Variants in ITGAX observed in about 807,000 individuals in gnomAD.
ITGAX encodes integrin alpha-X.
In ITGAX, 99 loss-of-function variants were observed where a neutral mutation model predicts 140.2. That is an observed-to-expected ratio of 0.71 (90% confidence interval 0.60 to 0.83). ITGAX has a LOEUF of 0.83. Among genes scored for constraint, ITGAX ranks in the 40% least tolerant of loss-of-function variants. ITGAX has a pLI of 0.00. For missense variants in ITGAX, 1,444 were observed against 1,482.0 expected (o/e 0.97, Z 0.42); for synonymous variants, 631 against 600.4 (o/e 1.05, Z -0.75).
At chr16:31,376,433 C>A in intron 20 of ITGAX, among the ~76,000 whole-genome samples, 1 of 151,950 alleles carries the variant, frequency 6.6e-6, no homozygotes, top group East Asian at 1.9e-4. Context: ...CCAGCCTGGG[C>A]AATATAGCGA....
rs1444262185 is a variant in ITGAX at position 31,382,220 on chromosome 16, TTTCC to T, written c.*316_*319del. On this transcript the variant is annotated 3_prime_UTR_variant, in exon 30 of 30. Coordinates refer to ENST00000268296, the MANE Select transcript of ITGAX (RefSeq NM_000887.5). Reference sequence around the variant, plus strand: ...TCCCATGAGGCACGAATGATCTTTCTTTCCTTTCTTTTTTTTTTTTTTTCTTTTC... The same window carrying T: ...TCCCATGAGGCACGAATGATCTTTCTTTTCTTTTTTTTTTTTTTTCTTTTC... 66 of 1,331,996 alleles carry T rather than the reference TTTCC, an allele frequency of 5.0e-5. No homozygotes were observed. The highest frequency in any genetic ancestry group is 1.7e-4 in the East Asian group (6 of 35,052). 82.5% of individuals were successfully genotyped at this position (1,331,996 alleles called of 1,614,324 possible).
chr16:31,369,969 T>C (rs2080938483), intron 14 of ITGAX: 1 of 152,038 alleles, frequency 6.6e-6, no homozygotes, highest in Non-Finnish European at 1.5e-5. Context: ...ATTACCTTTT[T>C]TTTTGAGACA....
At chr16:31,356,230 G>A (rs2080758589) in intron 2 of ITGAX, 1 of 498,518 alleles carries the variant, frequency 2.0e-6, no homozygotes, top group East Asian at 3.2e-5. Context: ...TAGTCCACAC[G>A]ACAGCCTGTG....
chr16:31,367,193 T>G (rs1193963282), intron 14 of ITGAX, among the ~76,000 whole-genome samples: 1 of 152,148 alleles, frequency 6.6e-6, no homozygotes, highest in Non-Finnish European at 1.5e-5. Context: ...GCAGGGTTCA[T>G]GAGGTTTAAG....
Position 31,379,979 on chromosome 16 carries a change from C to T in ITGAX, c.2977-3C>T. The T allele has an allele frequency of 1.2e-6, 2 of 1,614,012 alleles. No homozygotes were observed. Among genetic ancestry groups the T allele is most frequent in the Non-Finnish European group, 1.7e-6 (2 of 1,179,842 alleles). ...GACACTTGTTCTCTGCATTTTCCCC[C>T]AGAACCCATCCCTTCGGTGCTCCTC... On this transcript the variant is annotated splice_polypyrimidine_tract_variant and splice_region_variant and intron_variant, in intron 25 of 29. Coordinates refer to ENST00000268296, the MANE Select transcript of ITGAX (RefSeq NM_000887.5).
chr16:31,372,882 G>A (rs1369603413), intron 19 of ITGAX, among the ~76,000 whole-genome samples: 1 of 151,654 alleles, frequency 6.6e-6, no homozygotes, highest in African/African-American at 2.4e-5. Context: ...ATCAGCCTGG[G>A]CAACAGAGCG....
At chr16:31,366,489 A>G (rs1366999151) in intron 14 of ITGAX, among the ~76,000 whole-genome samples, 3 of 152,166 alleles carry the variant, frequency 2.0e-5, no homozygotes, top group Admixed American at 1.3e-4. Flanking sequence ...TAAGTGTTCA[A>G]CTGAAAGGAA....
At chr16:31,362,821 G>A in intron 12 of ITGAX, 68 bp downstream of exon 12, 2 of 1,608,298 alleles carry the variant, frequency 1.2e-6, no homozygotes, top group South Asian at 1.1e-5. Flanking sequence ...AGGAGAGGAT[G>A]GAGGGGCTTT....
chr16:31,377,028 C>G lies in ITGAX; in HGVS notation c.2654C>G (p.Ser885Cys). Residue 885 changes from serine to cysteine, a missense_variant, in exon 22 of 30, where the codon TCC (serine) becomes TGC (cysteine). Physicochemically the swap from Ser to Cys is moderately radical, Grantham distance 112 (BLOSUM62 -1). Transcript: ENST00000268296. ...ACCTTCTTGGCTACCTTTGACGTCTCCCCCAAGGCTGTCCTGGGAGACCGG... is the reference window on the plus strand; with the variant it reads ...ACCTTCTTGGCTACCTTTGACGTCTGCCCCAAGGCTGTCCTGGGAGACCGG... ...QITFLATFDV[S>C]PKAVLGDRLL... 1 of 1,614,180 alleles carries G rather than the reference C, an allele frequency of 6.2e-7. No homozygotes were observed. Among genetic ancestry groups the G allele is most frequent in the Non-Finnish European group, 8.5e-7 (1 of 1,180,028 alleles).
rs185058807 is a variant in ITGAX, at chr16:31,371,474, G to C, written c.1982G>C (p.Arg661Pro). Residue 661 changes from arginine to proline, a missense_variant, in exon 16 of 30, where the codon CGT becomes CCT. Coordinates refer to ENST00000268296, the MANE Select transcript of ITGAX (RefSeq NM_000887.5). ...AACATCTGCCTTTACATTGACAAAC[G>C]TTCTAAGAACCTGCTTGGGAGCCGT... ...QSNICLYIDK[R>P]SKNLLGSRDL... 6.2e-6 allele frequency: 10 copies of C among 1,614,044 alleles called. No individual in the cohort carries two copies. Among genetic ancestry groups the C allele is most frequent in the Non-Finnish European group, 7.6e-6 (9 of 1,179,958 alleles).
At chr16:31,361,489 C>T in intron 9 of ITGAX, 4 of 668,776 alleles carry the variant, frequency 6.0e-6, no homozygotes, top group Non-Finnish European at 1.1e-5. Flanking sequence ...CCAGGCCCAA[C>T]CCAGGAGACC....
Position 31,361,177 on chromosome 16 carries a change from C to A in ITGAX, c.976C>A (p.Gln326Lys). The change falls in exon 9 of 30, where the codon CAA (glutamine) becomes AAA (lysine). Residue 326 changes from glutamine (Q) to lysine (K), a missense_variant. By Grantham distance (53) the Gln-to-Lys change is moderately conservative. Transcript: ENST00000268296. ...GGACTTTGATGCTCTGAAAGATATT[C>A]AAAACCAACTGAAGGAGAAGATCTT... ...VEDFDALKDI[Q>K]NQLKEKIFAI... 1 of 1,613,384 alleles carries A rather than the reference C, an allele frequency of 6.2e-7. No individual in the cohort carries two copies. Among genetic ancestry groups the A allele is most frequent in the Non-Finnish European group, 8.5e-7 (1 of 1,179,642 alleles).
chr16:31,376,645 A>G (rs907173431), intron 20 of ITGAX, among the ~76,000 whole-genome samples, 154 bp from the exon 21 acceptor site: 2 of 152,190 alleles, frequency 1.3e-5, no homozygotes, highest in Non-Finnish European at 2.9e-5. Flanking sequence ...CAAACAAACA[A>G]AAACATAAGC....
In ITGAX at chr16:31,380,824, G is replaced by T. The variant is rs576932921; in HGVS notation, c.3277-73G>T. 236 of 1,417,412 alleles carry T rather than the reference G, an allele frequency of 1.7e-4. No homozygotes were observed. The African/African-American group carries it at 3.1e-3, about 18-fold the overall frequency. The allele number at this position is 1,417,412 out of a possible 1,614,324, so 87.8% of individuals were successfully genotyped here. On this transcript the variant is annotated intron_variant, in intron 28 of 29. Coordinates refer to ENST00000268296, the MANE Select transcript of ITGAX (RefSeq NM_000887.5). ...TGGGGAAGGAGGGGAGGGAGTTAAA[G>T]GTTGGGGAGCCTGGGAGGAGTCTGG...
rs532519659 is a variant in ITGAX, at chr16:31,361,645, G to A, written c.1013-191G>A. 5.0e-5 allele frequency: 37 copies of A among 747,336 alleles called. No individual in the cohort carries two copies. In the Admixed American group the frequency reaches 5.4e-4, roughly 11 times the overall value. 46.3% of individuals were successfully genotyped at this position (747,336 alleles called of 1,614,324 possible). A position where few individuals can be genotyped will look rare whatever the true frequency, so the allele number is the denominator to read the frequency against. ...TGAGGACCAGATCGGTGCTGCCATC[G>A]CTGTCCACATCCATGGAGCAGAGGG... On this transcript the variant is annotated intron_variant, in intron 9 of 29. Coordinates refer to ENST00000268296, the MANE Select transcript of ITGAX (RefSeq NM_000887.5).
intron 20 of ITGAX, among the ~76,000 whole-genome samples, chr16:31,375,784 C>A (rs566079432): frequency 6.6e-6 from 1 of 152,352 alleles, no homozygotes; most frequent in South Asian, 2.1e-4. Flanking sequence ...AAGAACACAG[C>A]AGGAAAGGCC....
At chr16:31,375,948 A>G (rs767186319) in intron 20 of ITGAX, among the ~76,000 whole-genome samples, 1 of 152,252 alleles carries the variant, frequency 6.6e-6, no homozygotes, top group East Asian at 1.9e-4. Context: ...GAACATGACC[A>G]GTATATTGGT....
At position 31,382,626 on chromosome 16, in the gene ITGAX, G is replaced by T; in HGVS notation, c.*719G>T. On this transcript the variant is annotated 3_prime_UTR_variant, in exon 30 of 30. Coordinates refer to ENST00000268296, the MANE Select transcript of ITGAX (RefSeq NM_000887.5). ...TTAGTGTCATGTCAGCATCAGCTCA[G>T]GGCTTCATCGTGGGGCTCTCAGTTC... 1 of 664,372 alleles carries T rather than the reference G, an allele frequency of 1.5e-6. No homozygotes were observed. Among genetic ancestry groups the T allele is most frequent in the Non-Finnish European group, 2.7e-6 (1 of 365,070 alleles). The allele number at this position is 664,372 out of a possible 1,614,324, so 41.2% of individuals were successfully genotyped here.
Position 31,379,982 on chromosome 16 carries a change from A to G in ITGAX, c.2977A>G (p.Asn993Asp). The change falls in exon 26 of 30, where the codon AAC becomes GAC. Residue 993 changes from asparagine to aspartate, a missense_variant and splice_region_variant. Coordinates refer to ENST00000268296, the MANE Select transcript of ITGAX (RefSeq NM_000887.5). ...WMDVEVSHPQ[N>D]PSLRCSSEKI... Reference sequence around the variant, plus strand: ...ACTTGTTCTCTGCATTTTCCCCCAGAACCCATCCCTTCGGTGCTCCTCAGA... The same window carrying G: ...ACTTGTTCTCTGCATTTTCCCCCAGGACCCATCCCTTCGGTGCTCCTCAGA... 6.2e-7 allele frequency: 1 copy of G among 1,614,032 alleles called. No homozygotes were observed. The highest frequency in any genetic ancestry group is 8.5e-7 in the Non-Finnish European group (1 of 1,179,918).
Sources: allele counts gnomAD v4.1 joint callset (sites outside exome capture counted in the v4.1 genomes callset), GRCh38; gene constraint gnomAD v4.1.1; transcripts MANE v1.5; gene names NCBI Gene and HGNC (gene_info 2026-07-23, HGNC 2026-07-21).